Variants in SH3RF3 observed in about 807,000 individuals in gnomAD.
SH3RF3 encodes SH3 domain containing ring finger 3.
A neutral mutation model predicts 66.3 loss-of-function variants in SH3RF3; 29 were observed. That is an observed-to-expected ratio of 0.44 (90% CI 0.33 to 0.60). The LOEUF (loss-of-function observed/expected upper bound fraction) is 0.60, where lower values mean the gene tolerates loss of function less well. SH3RF3 is among the 20% of genes least tolerant of loss of function. The pLI, the probability that SH3RF3 is intolerant of heterozygous loss-of-function variation, is 0.04. For synonymous variants in SH3RF3, 583 were observed against 532.0 expected, an observed-to-expected ratio of 1.10 and a Z score of -1.32; for missense variants, 1,194 against 1,190.9, an observed-to-expected ratio of 1.00 and a Z score of -0.04.
intron 1 of SH3RF3, among the ~76,000 whole-genome samples, chr2:109,148,411 G>A (rs1305033558): frequency 1.3e-5 from 2 of 152,164 alleles, no homozygotes; most frequent in East Asian, 1.9e-4. Flanking sequence ...TCTTAAAGGC[G>A]TTCTTTTTTT....
At chr2:109,441,909 T>G (rs1242449627) in intron 7 of SH3RF3, among the ~76,000 whole-genome samples, 1 of 152,046 alleles carries the variant, frequency 6.6e-6, no homozygotes, top group African/African-American at 2.4e-5. Flanking sequence ...CTGAAAGAAA[T>G]ATAGCTGTCA....
intron 4 of SH3RF3, among the ~76,000 whole-genome samples, chr2:109,418,133 A>G (rs372647051): frequency 1.2e-3 from 181 of 152,194 alleles, no homozygotes; most frequent in African/African-American, 4.3e-3. Context: ...CCTTTGGCCG[A>G]GGTACCTGCA....
rs1387474768 is a variant in SH3RF3, at chr2:109,421,478, T to G, written c.1403+1836T>G. Among the ~76,000 whole-genome samples the G allele has an allele frequency of 2.0e-5, 3 of 152,200 alleles. No homozygotes were observed. The East Asian group carries it at 5.8e-4, about 29-fold the overall frequency. On this transcript the variant is annotated intron_variant, in intron 5 of 9. Coordinates refer to ENST00000309415, the MANE Select transcript of SH3RF3 (RefSeq NM_001099289.3). The stretch of plus-strand genomic sequence containing the variant: ...ACCCAAAACGTAACAGTTCCAGGCA[T>G]GTCACCCCTCAAGAGTTGTGAATAT...
At chr2:109,277,991 A>G (rs1372059553) in intron 1 of SH3RF3, among the ~76,000 whole-genome samples, 1 of 146,726 alleles carries the variant, frequency 6.8e-6, no homozygotes, top group Non-Finnish European at 1.5e-5. Flanking sequence ...CCTGGGCAAC[A>G]AGGAGACCCT....
intron 1 of SH3RF3, among the ~76,000 whole-genome samples, chr2:109,225,114 A>G (rs58813083): frequency 0.16 from 24,665 of 152,068 alleles, 3,955 homozygotes; most frequent in African/African-American, 0.4. Flanking sequence ...TGACACCAGC[A>G]CAGTCCCTTA....
chr2:109,397,168 C>T (rs1335793638), intron 3 of SH3RF3, among the ~76,000 whole-genome samples: 2 of 152,142 alleles, frequency 1.3e-5, no homozygotes, highest in Non-Finnish European at 2.9e-5. Context: ...TGCACACAAC[C>T]ACTCCACCCT....
intron 1 of SH3RF3, among the ~76,000 whole-genome samples, chr2:109,274,129 C>A (rs978403474): frequency 2.0e-5 from 3 of 152,178 alleles, no homozygotes; most frequent in African/African-American, 7.2e-5. Flanking sequence ...ATGTCAAAGG[C>A]AACTTGTAGT....
At chr2:109,222,913 C>A (rs1679287953) in intron 1 of SH3RF3, among the ~76,000 whole-genome samples, 1 of 152,254 alleles carries the variant, frequency 6.6e-6, no homozygotes, top group South Asian at 2.1e-4. Context: ...GGGACTCAGC[C>A]AGCTGTGAGA....
At chr2:109,199,108 C>G (rs1041773925) in intron 1 of SH3RF3, among the ~76,000 whole-genome samples, 2 of 151,898 alleles carry the variant, frequency 1.3e-5, no homozygotes, top group African/African-American at 4.8e-5. Flanking sequence ...GCCTGTAATC[C>G]CAGCACTTTG....
intron 1 of SH3RF3, among the ~76,000 whole-genome samples, chr2:109,323,122 A>T (rs981908282): frequency 4.6e-5 from 7 of 152,212 alleles, no homozygotes; most frequent in African/African-American, 1.7e-4. Flanking sequence ...GGCTCCCAGC[A>T]TATGCTCCAG....
intron 1 of SH3RF3, among the ~76,000 whole-genome samples, chr2:109,279,809 G>A (rs1338981232): frequency 6.6e-6 from 1 of 152,200 alleles, no homozygotes; most frequent in South Asian, 2.1e-4. Context: ...GAAGAGGTCC[G>A]GGAGGATCTA....
intron 9 of SH3RF3, among the ~76,000 whole-genome samples, chr2:109,498,290 A>G (rs1246517330): frequency 6.6e-6 from 1 of 152,130 alleles, no homozygotes; most frequent in Non-Finnish European, 1.5e-5. Flanking sequence ...GCGACCCAGA[A>G]CCTGGCCTGT....
intron 5 of SH3RF3, among the ~76,000 whole-genome samples, chr2:109,421,409 G>A (rs1405135013): frequency 3.3e-5 from 5 of 152,176 alleles, no homozygotes; most frequent in East Asian, 3.9e-4. Context: ...AGCTTGAGGC[G>A]AGCTCAAGGC....
chr2:109,371,795 C>G, intron 3 of SH3RF3, 114 bp downstream of exon 3: 1 of 863,094 alleles, frequency 1.2e-6, no homozygotes, highest in Non-Finnish European at 1.9e-6. Flanking sequence ...GGATCCTCCA[C>G]AATAGCCTCT....
At chr2:109,372,447 G>A (rs1401411115) in intron 3 of SH3RF3, among the ~76,000 whole-genome samples, 1 of 152,222 alleles carries the variant, frequency 6.6e-6, no homozygotes, top group Non-Finnish European at 1.5e-5. Context: ...GTAACCACCA[G>A]CGTCATCCCA....
At chr2:109,209,299 T>C (rs1414793012) in intron 1 of SH3RF3, among the ~76,000 whole-genome samples, 2 of 152,126 alleles carry the variant, frequency 1.3e-5, no homozygotes, top group African/African-American at 4.8e-5. Context: ...GCGCGGGTGA[T>C]TTTGGTGACC....
intron 1 of SH3RF3, among the ~76,000 whole-genome samples, chr2:109,319,859 A>G (rs1681980738): frequency 6.6e-6 from 1 of 152,302 alleles, no homozygotes; most frequent in South Asian, 2.1e-4. Context: ...CAGTAGGAGT[A>G]TCAGCCCATT....
At chr2:109,463,987 T>C (rs1678272304) in intron 8 of SH3RF3, among the ~76,000 whole-genome samples, 1 of 152,124 alleles carries the variant, frequency 6.6e-6, no homozygotes, top group South Asian at 2.1e-4. Context: ...AGAGGAAGGA[T>C]AGACCCTCGC....
intron 1 of SH3RF3, among the ~76,000 whole-genome samples, chr2:109,290,525 A>G (rs1341755149): frequency 1.3e-5 from 2 of 152,220 alleles, no homozygotes; most frequent in African/African-American, 4.8e-5. Flanking sequence ...TACACATATT[A>G]TGCCTAGCTA....
Sources: allele counts gnomAD v4.1 joint callset (sites outside exome capture counted in the v4.1 genomes callset), GRCh38; gene constraint gnomAD v4.1.1; transcripts MANE v1.5; gene names NCBI Gene and HGNC (gene_info 2026-07-23, HGNC 2026-07-21).